LOC400499: variants seen among roughly 807,000 people sequenced by gnomAD.
the LOC400499 span, among the ~76,000 whole-genome samples, chr16:11,395,615 C>T: frequency 1.3e-5 from 2 of 152,248 alleles, no homozygotes; most frequent in African/African-American, 4.8e-5. Flanking sequence ...GGAGGGAACT[C>T]CCCTCTCACA....
the LOC400499 span, chr16:11,439,506 A>G: frequency 2.5e-6 from 1 of 399,086 alleles, no homozygotes; most frequent in Non-Finnish European, 4.4e-6. Flanking sequence ...TTTGGAGGAA[A>G]TGTTGGTCCG....
the LOC400499 span, among the ~76,000 whole-genome samples, chr16:11,445,889 A>C: frequency 6.7e-6 from 1 of 149,700 alleles, no homozygotes; most frequent in African/African-American, 2.5e-5. Flanking sequence ...GCTGGAATGC[A>C]GTGGCGTGAT....
chr16:11,431,832 G>A, the LOC400499 span, among the ~76,000 whole-genome samples: 3 of 152,330 alleles, frequency 2.0e-5, no homozygotes, highest in South Asian at 6.2e-4. Flanking sequence ...ATTAACACGT[G>A]AGATCTATGT....
At chr16:11,372,893 G>A in the LOC400499 span, among the ~76,000 whole-genome samples, 2 of 152,218 alleles carry the variant, frequency 1.3e-5, no homozygotes, top group African/African-American at 4.8e-5. Context: ...CCGCCTTTTT[G>A]TAAGAGCAGC....
At chr16:11,463,568 G>A in the LOC400499 span, among the ~76,000 whole-genome samples, 3,549 of 152,212 alleles carry the variant, frequency 0.023, 146 homozygotes, top group African/African-American at 0.081. Flanking sequence ...GTGAACGTAT[G>A]TATACGGATG....
chr16:11,419,373 G>A, the LOC400499 span, among the ~76,000 whole-genome samples: 1 of 151,936 alleles, frequency 6.6e-6, no homozygotes, highest in South Asian at 2.1e-4. Flanking sequence ...TTAATAAATG[G>A]TGCTGGGAAA....
At chr16:11,441,926 A>G in the LOC400499 span, among the ~76,000 whole-genome samples, 12 of 152,344 alleles carry the variant, frequency 7.9e-5, no homozygotes, top group African/African-American at 2.9e-4. Flanking sequence ...TTAAACCACT[A>G]AGATTTCAGA....
At chr16:11,478,520 G>C in the LOC400499 span, 1 of 399,096 alleles carries the variant, frequency 2.5e-6, no homozygotes. Flanking sequence ...CAGGGGCAGG[G>C]AGGAGCTACC....
At chr16:11,497,896 A>G in the LOC400499 span, among the ~76,000 whole-genome samples, 1 of 152,224 alleles carries the variant, frequency 6.6e-6, no homozygotes, top group Non-Finnish European at 1.5e-5. Context: ...ACGAAGGCTT[A>G]CTTACACTTC....
chr16:11,449,068 T>A, the LOC400499 span: 13 of 1,483,022 alleles, frequency 8.8e-6, no homozygotes, highest in South Asian at 1.5e-4. Context: ...TCGCTCCAGC[T>A]GTGGAAGAGG....
the LOC400499 span, chr16:11,462,452 CAG>C: frequency 7.0e-6 from 9 of 1,284,236 alleles, no homozygotes; most frequent in East Asian, 3.1e-5. Context: ...TTCCTTGAGA[CAG>C]AGTCTCACTT....
the LOC400499 span, among the ~76,000 whole-genome samples, chr16:11,418,726 T>C: frequency 2.0e-5 from 3 of 152,178 alleles, no homozygotes; most frequent in East Asian, 1.9e-4. Flanking sequence ...CACAACACAA[T>C]AGCAGTAGAA....
the LOC400499 span, chr16:11,477,955 C>G: frequency 2.5e-6 from 1 of 398,992 alleles, no homozygotes; most frequent in Non-Finnish European, 4.4e-6. Flanking sequence ...TGGGAAAGAC[C>G]AGTTCCTGTG....
At chr16:11,425,215 G>A in the LOC400499 span, 6 of 399,044 alleles carry the variant, frequency 1.5e-5, no homozygotes, top group East Asian at 1.8e-4. Flanking sequence ...CCCAGAGCCA[G>A]GCTGGCTGCA....
At chr16:11,509,351 C>T in the LOC400499 span, among the ~76,000 whole-genome samples, 1 of 149,710 alleles carries the variant, frequency 6.7e-6, no homozygotes, top group African/African-American at 2.5e-5. Context: ...ATCTCCTGAC[C>T]TTGTGATCCA....
the LOC400499 span, chr16:11,446,805 AT>A: frequency 6.5e-7 from 1 of 1,536,112 alleles, no homozygotes; most frequent in Non-Finnish European, 8.7e-7. Context: ...CCTCTCGGCC[AT>A]TCAGGACAAC....
chr16:11,401,490 C>T, the LOC400499 span: 43 of 398,932 alleles, frequency 1.1e-4, no homozygotes, highest in South Asian at 3.9e-4. Flanking sequence ...CCTTCTCCAT[C>T]GAGGTCAAGG....
At chr16:11,520,135 G>C in the LOC400499 span, among the ~76,000 whole-genome samples, 147 of 152,294 alleles carry the variant, frequency 9.7e-4, no homozygotes, top group African/African-American at 3.3e-3. Flanking sequence ...CTTCTGTTTA[G>C]GATGATGAAA....
chr16:11,503,628 C>T, the LOC400499 span, among the ~76,000 whole-genome samples: 1 of 152,218 alleles, frequency 6.6e-6, no homozygotes, highest in African/African-American at 2.4e-5. Flanking sequence ...AATCCCTGCA[C>T]ACGCAGCTCG....
Sources: allele counts gnomAD v4.1 joint callset (sites outside exome capture counted in the v4.1 genomes callset), GRCh38; gene constraint gnomAD v4.1.1; transcripts MANE v1.5.